Variants in ZNF580 observed in about 807,000 individuals in gnomAD.
ZNF580 encodes zinc finger protein 580, also known as LDL-induced EC protein.
Under a neutral mutation model 1.3 loss-of-function variants are expected in ZNF580, and 1 was observed. That is an observed-to-expected ratio of 0.77 (90% CI 0.27 to 3.65). The LOEUF is 3.65. Among genes scored for constraint, ZNF580 ranks in the 30% most tolerant of loss-of-function variants. ZNF580 has a pLI of 0.19. For missense variants in ZNF580, 268 were observed against 272.3 expected (o/e 0.98, Z 0.11); for synonymous variants, 135 against 128.8 (o/e 1.05, Z -0.32).
rs1982625375 is a variant in ZNF580, at chr19:55,643,015, G to A, written c.507G>A (p.Val169=). Residue 169 remains valine (V), a synonymous_variant, in exon 2 of 2, where the codon GTG becomes GTA. Coordinates refer to ENST00000325333, the MANE Select transcript of ZNF580 (RefSeq NM_207115.2). ...ACGCCGCGGAGCTGGCGCAGCACGTGCGCCTCCACTAAGCTCGAGACCCGG... is the reference window on the plus strand; with the variant it reads ...ACGCCGCGGAGCTGGCGCAGCACGTACGCCTCCACTAAGCTCGAGACCCGG... The part of the protein sequence containing the change: ...FQDAAELAQH[V]RLH 7.3e-7 allele frequency: 1 copy of A among 1,362,560 alleles called. No homozygotes were observed. Among genetic ancestry groups the A allele is most frequent in the South Asian group, 1.9e-5 (1 of 52,986 alleles). The allele number at this position is 1,362,560 out of a possible 1,614,324, so 84.4% of individuals were successfully genotyped here.
Position 55,641,163 on chromosome 19 carries a change from C to T in ZNF580, c.-33C>T. 7.1e-6 allele frequency: 7 copies of T among 985,410 alleles called. No homozygotes were observed. The highest frequency in any genetic ancestry group is 8.4e-6 in the Non-Finnish European group (7 of 829,946). 61.0% of individuals were successfully genotyped at this position (985,410 alleles called of 1,614,324 possible). A position where few individuals can be genotyped will look rare whatever the true frequency, so the allele number is the denominator to read the frequency against. On this transcript the variant is annotated 5_prime_UTR_variant, in exon 1 of 2. Coordinates refer to ENST00000325333, the MANE Select transcript of ZNF580 (RefSeq NM_207115.2). Reference sequence around the variant, plus strand: ...CGGGACCTCGGCCCGTTCCTCCGGACCCGAGAGGCCGCCGCACGGGGTACG... The same window carrying T: ...CGGGACCTCGGCCCGTTCCTCCGGATCCGAGAGGCCGCCGCACGGGGTACG...
chr19:55,642,401 G>T (rs1179934452), intron 1 of ZNF580, 96 bp from the exon 2 acceptor site: 4 of 1,345,460 alleles, frequency 3.0e-6, no homozygotes, highest in Non-Finnish European at 3.8e-6. Context: ...CGCACAAAGG[G>T]TAACAAGCAG....
chr19:55,641,591 T>C, intron 1 of ZNF580, among the ~76,000 whole-genome samples: 1 of 151,734 alleles, frequency 6.6e-6, no homozygotes, highest in South Asian at 2.1e-4. Context: ...GGAGAGGTGC[T>C]GTGGGAAGCG....
In ZNF580 at chr19:55,642,853, G is replaced by A; in HGVS notation, c.345G>A (p.Ser115=). Reference sequence around the variant, plus strand: ...TGCAGAGCCACCGCGTGTCGCACTCGGACCTCAAGCCCTTCACGTGCGGCG... The same window carrying A: ...TGCAGAGCCACCGCGTGTCGCACTCAGACCTCAAGCCCTTCACGTGCGGCG... The part of the protein sequence containing the change: ...LRLQSHRVSH[S]DLKPFTCGAC... The change falls in exon 2 of 2, where the codon TCG becomes TCA. Residue 115 remains serine, a synonymous_variant. Coordinates refer to ENST00000325333, the MANE Select transcript of ZNF580 (RefSeq NM_207115.2). 6.3e-7 allele frequency: 1 copy of A among 1,575,110 alleles called. No homozygotes were observed.
Position 55,642,989 on chromosome 19 carries a change from GACGCC to G in ZNF580, c.482_486del (p.Asp161GlyfsTer75). The G allele has an allele frequency of 7.3e-7, 1 of 1,372,498 alleles. No homozygotes were observed. The allele number at this position is 1,372,498 out of a possible 1,614,324, so 85.0% of individuals were successfully genotyped here. A position where few individuals can be genotyped will look rare whatever the true frequency, so the allele number is the denominator to read the frequency against. Reference sequence around the variant, plus strand: ...CCCGCTCTGCCCACGCCGCTTCCAGGACGCCGCGGAGCTGGCGCAGCACGTGCGCC... The same window carrying G: ...CCCGCTCTGCCCACGCCGCTTCCAGGGCGGAGCTGGCGCAGCACGTGCGCC... On this transcript the variant is annotated frameshift_variant, in exon 2 of 2. Transcript: ENST00000325333. LOFTEE classifies it high-confidence loss of function.
At chr19:55,642,198 A>C in intron 1 of ZNF580, 2 of 1,140,830 alleles carry the variant, frequency 1.8e-6, no homozygotes, top group Non-Finnish European at 1.1e-6. Flanking sequence ...TGAGAGGAGA[A>C]AAGGGAAGAA....
chr19:55,642,008 T>C (rs1982522020), intron 1 of ZNF580: 9 of 906,768 alleles, frequency 9.9e-6, no homozygotes, highest in Non-Finnish European at 1.1e-5. Context: ...AGGAGGCCGA[T>C]ACGGGGGCCG....
intron 1 of ZNF580, 44 bp downstream of exon 1, chr19:55,641,227 C>T: frequency 1.0e-6 from 1 of 973,840 alleles, no homozygotes; most frequent in African/African-American, 1.8e-5. Context: ...CCTGGGACGA[C>T]GCCGGGGCCA....
Position 55,643,227 on chromosome 19 carries a change from C to T in ZNF580, c.*200C>T. The T allele has an allele frequency of 1.1e-6, 1 of 941,558 alleles. No homozygotes were observed. Among genetic ancestry groups the T allele is most frequent in the Non-Finnish European group, 1.4e-6 (1 of 707,112 alleles). The allele number at this position is 941,558 out of a possible 1,614,324, so 58.3% of individuals were successfully genotyped here. On this transcript the variant is annotated 3_prime_UTR_variant, in exon 2 of 2. Coordinates refer to ENST00000325333, the MANE Select transcript of ZNF580 (RefSeq NM_207115.2). ...CTAGCTGTGTGATGTAGACCAAAGT[C>T]GTTGCCCCTCCCTGGGCCTGGGAAC...
rs1982652788 is a variant in ZNF580, at chr19:55,643,346, T to A, written c.*319T>A. The A allele has an allele frequency of 2.9e-6, 1 of 341,816 alleles. No individual in the cohort carries two copies. Among genetic ancestry groups the A allele is most frequent in the Non-Finnish European group, 5.5e-6 (1 of 180,280 alleles). 21.2% of individuals were successfully genotyped at this position (341,816 alleles called of 1,614,324 possible). ...CTTGGTTTTCTGCTCTCTGGAGCGGTGAACCGGTGGTTGTCTGCGGGGAAG... is the reference window on the plus strand; with the variant it reads ...CTTGGTTTTCTGCTCTCTGGAGCGGAGAACCGGTGGTTGTCTGCGGGGAAG... On this transcript the variant is annotated 3_prime_UTR_variant, in exon 2 of 2. Transcript: ENST00000325333.
intron 1 of ZNF580, 95 bp downstream of exon 1, chr19:55,641,278 G>T (rs990621065): frequency 4.3e-5 from 34 of 797,624 alleles, no homozygotes; most frequent in Non-Finnish European, 3.3e-5. Context: ...CGGGATGGGG[G>T]TGGGGGTCGG....
chr19:55,641,128 CG>C lies in ZNF580; in HGVS notation c.-64del. On this transcript the variant is annotated 5_prime_UTR_variant, in exon 1 of 2. Transcript: ENST00000325333. ...CCGCCGGCGCTCGCCAGGGGAAGCC[CG>C]GGGCCGCCCGGGACCTCGGCCCGTT... 1 of 985,140 alleles carries C rather than the reference CG, an allele frequency of 1.0e-6. No homozygotes were observed. Among genetic ancestry groups the C allele is most frequent in the South Asian group, 4.7e-5 (1 of 21,284 alleles). The allele number at this position is 985,140 out of a possible 1,614,324, so 61.0% of individuals were successfully genotyped here.
intron 1 of ZNF580, among the ~76,000 whole-genome samples, chr19:55,641,550 C>T (rs1386108171): frequency 6.6e-6 from 1 of 152,072 alleles, no homozygotes; most frequent in African/African-American, 2.4e-5. Context: ...AGATGCCAGA[C>T]GTACACAGAA....
chr19:55,641,392 G>T (rs888266840), intron 1 of ZNF580, among the ~76,000 whole-genome samples: 1 of 152,228 alleles, frequency 6.6e-6, no homozygotes, highest in African/African-American at 2.4e-5. Flanking sequence ...GGGACAGGCG[G>T]TGTGTAGCGG....
intron 1 of ZNF580, chr19:55,641,948 G>A (rs998341755): frequency 1.4e-6 from 1 of 736,988 alleles, no homozygotes; most frequent in South Asian, 6.1e-5. Context: ...GGGAGGCCAC[G>A]GAATATGAAG....
chr19:55,642,549 C>A lies in ZNF580; in HGVS notation c.41C>A (p.Ser14Tyr). The A allele has an allele frequency of 6.9e-7, 1 of 1,454,818 alleles. No homozygotes were observed. Among genetic ancestry groups the A allele is most frequent in the Non-Finnish European group, 9.0e-7 (1 of 1,107,132 alleles). 90.1% of individuals were successfully genotyped at this position (1,454,818 alleles called of 1,614,324 possible). A position where few individuals can be genotyped will look rare whatever the true frequency, so the allele number is the denominator to read the frequency against. ...LPPRPPHPRSSSPEAMDPPPP... is the reference protein window; with the variant it reads ...LPPRPPHPRSYSPEAMDPPPP... ...CCGCGGCCACCCCACCCTCGGTCCT[C>A]CTCTCCGGAGGCCATGGACCCACCG... The change falls in exon 2 of 2, where the codon TCC (serine) becomes TAC (tyrosine). Residue 14 changes from serine (S) to tyrosine (Y), a missense_variant. Physicochemically the swap from Ser to Tyr is moderately radical, Grantham distance 144. Transcript: ENST00000325333.
At chr19:55,642,393 C>G in intron 1 of ZNF580, 104 bp from the exon 2 acceptor site, 1 of 1,321,338 alleles carries the variant, frequency 7.6e-7, no homozygotes, top group Non-Finnish European at 9.7e-7. Context: ...GTCAGTGGCG[C>G]ACAAAGGGTA....
Position 55,643,012 on chromosome 19 carries a change from C to T in ZNF580, c.504C>T (p.His168=), listed in dbSNP as rs1405910712. The change falls in exon 2 of 2, where the codon CAC becomes CAT. Residue 168 remains histidine (H), a synonymous_variant. Coordinates refer to ENST00000325333, the MANE Select transcript of ZNF580 (RefSeq NM_207115.2). ...RFQDAAELAQ[H]VRLH ...AGGACGCCGCGGAGCTGGCGCAGCA[C>T]GTGCGCCTCCACTAAGCTCGAGACC... The T allele has an allele frequency of 6.6e-6, 9 of 1,362,976 alleles. No homozygotes were observed. In the Admixed American group the frequency reaches 1.2e-4, roughly 18 times the overall value. 84.4% of individuals were successfully genotyped at this position (1,362,976 alleles called of 1,614,324 possible). A position where few individuals can be genotyped will look rare whatever the true frequency, so the allele number is the denominator to read the frequency against.
chr19:55,642,490 C>G lies in ZNF580; in HGVS notation c.-12-7C>G, dbSNP rs777085708. On this transcript the variant is annotated splice_polypyrimidine_tract_variant and splice_region_variant and intron_variant, in intron 1 of 1. Transcript: ENST00000325333. ...ATTTTAACTAATCTCCCCTCCGCCG[C>G]TCCCAGCTGCCGCTCCAGATGCTGC... is the stretch of plus-strand genomic sequence containing the variant. 7.0e-7 allele frequency: 1 copy of G among 1,425,686 alleles called. No individual in the cohort carries two copies. The highest frequency in any genetic ancestry group is 2.9e-5 in the Admixed American group (1 of 34,754). 88.3% of individuals were successfully genotyped at this position (1,425,686 alleles called of 1,614,324 possible).
Sources: gnomAD v4.1 joint callset for allele counts (sites outside exome capture counted in the v4.1 genomes callset) on GRCh38, gnomAD v4.1.1 for gene constraint, MANE v1.5 for transcripts, NCBI Gene and HGNC (gene_info 2026-07-23, HGNC 2026-07-21) for gene names.